COLEC10: variants seen among roughly 807,000 people sequenced by gnomAD.
COLEC10 encodes the protein collectin subfamily member 10.
In COLEC10, 22 loss-of-function variants were observed where a neutral mutation model predicts 28.4. The ratio of observed to expected loss-of-function variants is 0.78; its 90% CI spans 0.55 to 1.11. The LOEUF is 1.11. Ranked by LOEUF, COLEC10 falls within the 50% of genes least tolerant of loss-of-function variation. The pLI, the probability that COLEC10 is intolerant of heterozygous loss-of-function variation, is 0.00. For synonymous variants in COLEC10, 125 were observed against 116.1 expected (o/e 1.08, Z -0.49); for missense variants, 361 against 344.1 (o/e 1.05, Z -0.39).
chr8:119,001,619 C>T, intron 1 of COLEC10, among the ~76,000 whole-genome samples: 1 of 152,054 alleles, frequency 6.6e-6, no homozygotes, highest in Admixed American at 6.6e-5. Flanking sequence ...GATTAGTAGG[C>T]CCTCCAAGGC....
intron 1 of COLEC10, among the ~76,000 whole-genome samples, chr8:118,996,931 G>A (rs1210249247): frequency 6.6e-6 from 1 of 152,126 alleles, no homozygotes; most frequent in Non-Finnish European, 1.5e-5. Context: ...TGAACTATCA[G>A]AGTGAGAACT....
chr8:119,075,603 A>T (rs1220868372), intron 1 of COLEC10, among the ~76,000 whole-genome samples: 5 of 152,182 alleles, frequency 3.3e-5, no homozygotes, highest in Admixed American at 6.5e-5. Context: ...TATGAACAGG[A>T]GTCATTCTTT....
chr8:119,031,564 T>C (rs1814288562), intron 2 of COLEC10, among the ~76,000 whole-genome samples: 1 of 152,190 alleles, frequency 6.6e-6, no homozygotes, highest in African/African-American at 2.4e-5. Context: ...CTGACTTAAG[T>C]AAATCAGTTA....
chr8:119,073,004 C>T (rs144111023), intron 1 of COLEC10, among the ~76,000 whole-genome samples: 1 of 152,274 alleles, frequency 6.6e-6, no homozygotes, highest in African/African-American at 2.4e-5. Flanking sequence ...TTGTGACTTC[C>T]CCAAACGGAT....
At chr8:118,989,534 T>TACACACACACACAC in the COLEC10 span, among the ~76,000 whole-genome samples, 45 of 128,722 alleles carry the variant, frequency 3.5e-4, no homozygotes, top group African/African-American at 1.1e-3. Flanking sequence ...ACAGACAAAA[T>TACACACACACACAC]ACACACACAC....
chr8:118,997,400 C>G (rs1209359385), intron 1 of COLEC10, among the ~76,000 whole-genome samples: 2 of 152,118 alleles, frequency 1.3e-5, no homozygotes, highest in African/African-American at 2.4e-5. Flanking sequence ...TGTTTTGAAG[C>G]TTTTCCCCTG....
rs1436958475 is a variant in COLEC10 at position 119,107,733 on chromosome 8, C to G, written c.*1542C>G. On this transcript the variant is annotated 3_prime_UTR_variant, in exon 6 of 6. Coordinates refer to ENST00000332843, the MANE Select transcript of COLEC10 (RefSeq NM_006438.5). ...AGTGCACTGAGCACAGCTTGCCCTT[C>G]CAAAGGAGCCAGCTGCTCCTCAGTG... Among the ~76,000 whole-genome samples the G allele has an allele frequency of 6.6e-6, 1 of 152,172 alleles. No homozygotes were observed. Among genetic ancestry groups the G allele is most frequent in the Non-Finnish European group, 1.5e-5 (1 of 68,026 alleles).
chr8:119,075,864 A>G (rs574482895), intron 1 of COLEC10, among the ~76,000 whole-genome samples: 3 of 148,108 alleles, frequency 2.0e-5, no homozygotes, highest in African/African-American at 7.5e-5. Flanking sequence ...AGATGATGTC[A>G]TCTCATCTCA....
chr8:118,996,899 T>C (rs1813599170), intron 1 of COLEC10, among the ~76,000 whole-genome samples: 1 of 152,050 alleles, frequency 6.6e-6, no homozygotes, highest in South Asian at 2.1e-4. Flanking sequence ...GGTACCACAC[T>C]CTAAAACAAT....
At chr8:119,045,155 C>T (rs1484615221) in intron 2 of COLEC10, among the ~76,000 whole-genome samples, 5 of 152,052 alleles carry the variant, frequency 3.3e-5, no homozygotes, top group African/African-American at 7.2e-5. Context: ...AAATAAGTAA[C>T]GTAAAGAATT....
intron 2 of COLEC10, among the ~76,000 whole-genome samples, chr8:119,090,936 T>C (rs1815579376): frequency 6.6e-6 from 1 of 152,232 alleles, no homozygotes; most frequent in Non-Finnish European, 1.5e-5. Flanking sequence ...AATATCATCA[T>C]GTCCGTAGTA....
chr8:118,992,373 T>G (rs1813517706), upstream of COLEC10, among the ~76,000 whole-genome samples: 1 of 152,142 alleles, frequency 6.6e-6, no homozygotes. Context: ...ACAACTCCAC[T>G]AGACAGTGCC....
At chr8:119,009,682 T>TTAA (rs897123343) in intron 2 of COLEC10, 1 of 150,874 alleles carries the variant, frequency 6.6e-6, no homozygotes, top group Non-Finnish European at 1.5e-5. Flanking sequence ...GTCTGATTTT[T>TTAA]TAATTCCTGC....
the COLEC10 span, among the ~76,000 whole-genome samples, chr8:118,977,077 G>A: frequency 3.8e-4 from 57 of 150,524 alleles, no homozygotes; most frequent in Admixed American, 1.3e-3. Flanking sequence ...TTAGAATGGC[G>A]ATCATTCAAA....
rs563500844 is a variant in COLEC10 at position 119,022,588 on chromosome 8, T to A, written n.235+13035T>A. Among the ~76,000 whole-genome samples the A allele has an allele frequency of 2.6e-5, 4 of 152,234 alleles. No homozygotes were observed. The East Asian group carries it at 7.7e-4, about 29-fold the overall frequency. ...CAGGAAATTATTTTGACCTGTTTTT[T>A]TCAAAATAGATCTAGAAAGTGACCA... On this transcript the variant is annotated intron_variant and non_coding_transcript_variant, in intron 2 of 6. Coordinates refer to the COLEC10 transcript ENST00000521788.
the COLEC10 span, among the ~76,000 whole-genome samples, chr8:118,965,602 C>T: frequency 1.3e-5 from 2 of 151,692 alleles, no homozygotes; most frequent in East Asian, 2.0e-4. Context: ...TTCCAGTCTC[C>T]GTGTGAGATG....
chr8:119,005,443 G>A (rs78496955), intron 1 of COLEC10, among the ~76,000 whole-genome samples: 1,699 of 152,190 alleles, frequency 0.011, 35 homozygotes, highest in African/African-American at 0.039. Flanking sequence ...AAAGCATGGT[G>A]CACGCTGAGG....
the COLEC10 span, among the ~76,000 whole-genome samples, chr8:118,972,288 C>G: frequency 6.6e-6 from 1 of 151,972 alleles, no homozygotes; most frequent in Non-Finnish European, 1.5e-5. Flanking sequence ...AATTTAAGGG[C>G]TTACTTGTAG....
At chr8:118,972,490 G>A in the COLEC10 span, among the ~76,000 whole-genome samples, 1 of 151,848 alleles carries the variant, frequency 6.6e-6, no homozygotes. Flanking sequence ...ATGACTACTT[G>A]GGAATGCCTG....
Sources: allele counts gnomAD v4.1 joint callset (sites outside exome capture counted in the v4.1 genomes callset), GRCh38; gene constraint gnomAD v4.1.1; transcripts MANE v1.5; gene names NCBI Gene and HGNC (gene_info 2026-07-23, HGNC 2026-07-21).